The following ATP8A1 variants were observed in gnomAD, a reference collection of about 807,000 sequenced individuals.
ATP8A1 encodes the protein ATPase phospholipid transporting 8A1, also known as phospholipid-transporting ATPase IA.
A neutral mutation model predicts 177.7 loss-of-function variants in ATP8A1; 90 were observed. That is an observed-to-expected ratio of 0.51 (90% confidence interval 0.43 to 0.60). ATP8A1 has a LOEUF of 0.60. Ranked by LOEUF, ATP8A1 falls within the 20% of genes least tolerant of loss-of-function variation. The pLI is 0.00. For synonymous variants in ATP8A1, 493 were observed against 485.9 expected, an observed-to-expected ratio of 1.01 and a Z score of -0.19; for missense variants, 1,072 against 1,392.8, an observed-to-expected ratio of 0.77 and a Z score of 3.67.
intron 20 of ATP8A1, among the ~76,000 whole-genome samples, chr4:42,527,225 A>C (rs1223512134): frequency 6.6e-6 from 1 of 152,086 alleles, no homozygotes; most frequent in Non-Finnish European, 1.5e-5. Flanking sequence ...GGAAAAACAG[A>C]CACAAGCTGT....
intron 7 of ATP8A1, among the ~76,000 whole-genome samples, chr4:42,589,724 A>G (rs1374423071): frequency 6.6e-6 from 1 of 152,232 alleles, no homozygotes; most frequent in African/African-American, 2.4e-5. Context: ...TTACTTATGT[A>G]TACATTTGAA....
intron 25 of ATP8A1, among the ~76,000 whole-genome samples, chr4:42,468,394 G>T (rs1720020908): frequency 6.6e-6 from 1 of 151,058 alleles, no homozygotes; most frequent in Non-Finnish European, 1.5e-5. Context: ...GTATGTGTGT[G>T]TATATATTTT....
chr4:42,525,706 C>T (rs369678608), intron 20 of ATP8A1, among the ~76,000 whole-genome samples: 9 of 152,050 alleles, frequency 5.9e-5, no homozygotes, highest in South Asian at 2.1e-4. Context: ...TCAACCTTCA[C>T]GGTTTTATTA....
chr4:42,429,742 T>C (rs937896435), intron 33 of ATP8A1, among the ~76,000 whole-genome samples: 3 of 152,172 alleles, frequency 2.0e-5, no homozygotes, highest in Non-Finnish European at 4.4e-5. Flanking sequence ...CATCAACAGA[T>C]GAGTGGACAA....
chr4:42,620,265 C>T (rs11947875), intron 4 of ATP8A1, among the ~76,000 whole-genome samples: 34,407 of 152,116 alleles, frequency 0.23, 4,353 homozygotes, highest in Non-Finnish European at 0.29. Context: ...TACAGTTTGG[C>T]ATAAACTTCT....
intron 7 of ATP8A1, 125 bp from the exon 8 acceptor site, chr4:42,588,454 TTGA>T: frequency 1.4e-6 from 1 of 702,330 alleles, no homozygotes; most frequent in Non-Finnish European, 2.3e-6. Context: ...ACTTAGCTTC[TTGA>T]TGATTTTCAT....
chr4:42,565,779 T>C (rs1187603247), intron 15 of ATP8A1, among the ~76,000 whole-genome samples: 3 of 152,194 alleles, frequency 2.0e-5, no homozygotes, highest in Admixed American at 6.5e-5. Flanking sequence ...CTTAAAATTT[T>C]CCACAACAGA....
chr4:42,585,554 G>A (rs751726642), intron 9 of ATP8A1, among the ~76,000 whole-genome samples: 1 of 148,810 alleles, frequency 6.7e-6, no homozygotes, highest in Non-Finnish European at 1.5e-5. Flanking sequence ...GGCCCCAGCA[G>A]ACACTGAATC....
At chr4:42,441,352 A>T (rs1415872678) in intron 33 of ATP8A1, among the ~76,000 whole-genome samples, 1 of 151,914 alleles carries the variant, frequency 6.6e-6, no homozygotes, top group African/African-American at 2.4e-5. Context: ...ATATGTATGT[A>T]TATATATGTA....
chr4:42,506,949 C>G, intron 23 of ATP8A1, 67 bp downstream of exon 23: 12 of 1,520,940 alleles, frequency 7.9e-6, no homozygotes, highest in Non-Finnish European at 1.1e-5. Context: ...TGTCTCAAAT[C>G]CATCTTCTGA....
intron 17 of ATP8A1, among the ~76,000 whole-genome samples, chr4:42,551,878 T>C (rs1387313149): frequency 6.6e-6 from 1 of 152,180 alleles, no homozygotes; most frequent in African/African-American, 2.4e-5. Context: ...AAGTCACAGA[T>C]GCTGGCTTAG....
intron 25 of ATP8A1, among the ~76,000 whole-genome samples, chr4:42,476,050 A>G (rs1166506937): frequency 2.0e-5 from 3 of 152,142 alleles, no homozygotes; most frequent in East Asian, 3.9e-4. Flanking sequence ...AAAAAAAAAG[A>G]TTAAAATACT....
chr4:42,477,510 G>T (rs554161660), intron 25 of ATP8A1, among the ~76,000 whole-genome samples: 1 of 152,204 alleles, frequency 6.6e-6, no homozygotes, highest in African/African-American at 2.4e-5. Flanking sequence ...CTCTCCCCAT[G>T]TAAGAGTTTT....
chr4:42,414,990 TA>T (rs1312652535), intron 35 of ATP8A1: 1 of 389,748 alleles, frequency 2.6e-6, no homozygotes, highest in Non-Finnish European at 4.7e-6. Context: ...CCCACTCAGT[TA>T]TATTTAAGTC....
Position 42,456,867 on chromosome 4 carries a change from G to T in ATP8A1, c.2620-1268C>A, listed in dbSNP as rs539385009. Among the ~76,000 whole-genome samples the T allele has an allele frequency of 2.6e-5, 4 of 152,256 alleles. No individual in the cohort carries two copies. The South Asian group carries it at 8.3e-4, about 32-fold the overall frequency. ...TCATTTAACCTCATTATGGAAGCATGAATTACTACAAATTCACCATTTATC... is the reference window on the plus strand; with the variant it reads ...TCATTTAACCTCATTATGGAAGCATTAATTACTACAAATTCACCATTTATC... On this transcript the variant is annotated intron_variant, in intron 27 of 36. Transcript: ENST00000381668.
intron 22 of ATP8A1, among the ~76,000 whole-genome samples, chr4:42,514,359 C>T (rs558197124): frequency 6.6e-6 from 1 of 152,230 alleles, no homozygotes; most frequent in South Asian, 2.1e-4. Context: ...GGAAAATCTA[C>T]CACGAAGCAT....
chr4:42,439,542 C>T (rs986150542), intron 33 of ATP8A1, among the ~76,000 whole-genome samples: 1 of 152,184 alleles, frequency 6.6e-6, no homozygotes, highest in African/African-American at 2.4e-5. Context: ...CACTAGGGGC[C>T]CCGCACCATT....
At chr4:42,454,981 C>G (rs1718322741) in intron 29 of ATP8A1, among the ~76,000 whole-genome samples, 1 of 152,178 alleles carries the variant, frequency 6.6e-6, no homozygotes, top group Non-Finnish European at 1.5e-5. Context: ...CACAACACTG[C>G]AAAGACAGAA....
Position 42,549,556 on chromosome 4 carries a change from A to G in ATP8A1, c.1603-494T>C, listed in dbSNP as rs551989699. Among the ~76,000 whole-genome samples, 19 of 152,270 alleles carry G rather than the reference A, an allele frequency of 1.2e-4. No individual in the cohort carries two copies. The South Asian group carries it at 3.3e-3, about 27-fold the overall frequency. ...GTAATCCCAGTGCTTTGGGAGGCTG[A>G]GGTGGGAGAATCAAAGGAGCTCAGG... On this transcript the variant is annotated intron_variant, in intron 18 of 36. Transcript: ENST00000381668.
Sources: gnomAD v4.1 joint callset for allele counts (sites outside exome capture counted in the v4.1 genomes callset) on GRCh38, gnomAD v4.1.1 for gene constraint, MANE v1.5 for transcripts, NCBI Gene and HGNC (gene_info 2026-07-23, HGNC 2026-07-21) for gene names.